The following STXBP5L variants were observed in gnomAD, a reference collection of about 807,000 sequenced individuals.
STXBP5L encodes syntaxin-binding protein 5-like.
A neutral mutation model predicts 144.5 loss-of-function variants in STXBP5L; 65 were observed. That is an observed-to-expected ratio of 0.45 (90% CI 0.37 to 0.55). The LOEUF is 0.55. Ranked by LOEUF, STXBP5L falls within the 20% of genes least tolerant of loss-of-function variation. STXBP5L has a pLI of 0.00. For synonymous variants in STXBP5L, 505 were observed against 469.6 expected (o/e 1.08, Z -0.97); for missense variants, 1,298 against 1,405.5 (o/e 0.92, Z 1.22).
chr3:121,022,996 A>T (rs112368361), intron 3 of STXBP5L, among the ~76,000 whole-genome samples: 18,293 of 152,042 alleles, frequency 0.12, 1,154 homozygotes, highest in Non-Finnish European at 0.14. Context: ...TATACCTAGA[A>T]AACTCTAAAG....
At chr3:121,078,866 C>T (rs967484669) in intron 5 of STXBP5L, among the ~76,000 whole-genome samples, 2 of 152,262 alleles carry the variant, frequency 1.3e-5, no homozygotes, top group African/African-American at 2.4e-5. Context: ...CCCGCCAAGC[C>T]CATGCCCACC....
intron 18 of STXBP5L, among the ~76,000 whole-genome samples, chr3:121,274,126 A>C (rs557407331): frequency 6.6e-6 from 1 of 152,258 alleles, no homozygotes; most frequent in Non-Finnish European, 1.5e-5. Flanking sequence ...CAGTGTTATC[A>C]TTCCCTGCTT....
chr3:120,990,426 A>G (rs1159322085), intron 3 of STXBP5L, among the ~76,000 whole-genome samples: 1 of 152,162 alleles, frequency 6.6e-6, no homozygotes, highest in Non-Finnish European at 1.5e-5. Context: ...CAAGCTACCA[A>G]TGACTTTCTT....
chr3:121,384,235 G>A (rs544915917), intron 22 of STXBP5L, among the ~76,000 whole-genome samples: 26 of 152,136 alleles, frequency 1.7e-4, no homozygotes, highest in African/African-American at 5.5e-4. Flanking sequence ...TATAATAATG[G>A]AAATTACACT....
intron 19 of STXBP5L, among the ~76,000 whole-genome samples, chr3:121,289,312 A>C (rs759486714): frequency 4.5e-4 from 68 of 152,296 alleles, no homozygotes; most frequent in Middle Eastern, 3.4e-3. Flanking sequence ...AGGAAGGGAC[A>C]TTAAATATGA....
intron 20 of STXBP5L, among the ~76,000 whole-genome samples, chr3:121,347,913 T>C (rs2045073700): frequency 6.6e-6 from 1 of 152,192 alleles, no homozygotes; most frequent in Admixed American, 6.6e-5. Context: ...ACAGGGACAA[T>C]TTGACTTCCT....
At chr3:121,314,673 A>G (rs142617097) in intron 19 of STXBP5L, among the ~76,000 whole-genome samples, 2,769 of 152,156 alleles carry the variant, frequency 0.018, 45 homozygotes, top group Middle Eastern at 0.041. Context: ...ACAGCAAAAG[A>G]AACTACCATC....
chr3:121,048,906 A>G (rs1434523491), intron 5 of STXBP5L, among the ~76,000 whole-genome samples: 1 of 152,082 alleles, frequency 6.6e-6, no homozygotes, highest in Non-Finnish European at 1.5e-5. Flanking sequence ...CTGCTTTTCC[A>G]TAAAGTGGCT....
chr3:121,092,884 T>G (rs2042891194), intron 5 of STXBP5L, among the ~76,000 whole-genome samples: 1 of 152,346 alleles, frequency 6.6e-6, no homozygotes, highest in Admixed American at 6.5e-5. Flanking sequence ...TATTTGCCCA[T>G]TCAGTATGAT....
At chr3:121,029,183 A>G (rs1421118314) in intron 3 of STXBP5L, among the ~76,000 whole-genome samples, 4 of 152,206 alleles carry the variant, frequency 2.6e-5, no homozygotes, top group African/African-American at 7.2e-5. Context: ...ATACTACTTT[A>G]AATTTCATAT....
At chr3:121,116,519 G>A (rs1291365915) in intron 6 of STXBP5L, among the ~76,000 whole-genome samples, 1 of 151,838 alleles carries the variant, frequency 6.6e-6, no homozygotes, top group Non-Finnish European at 1.5e-5. Flanking sequence ...CTTCATACTT[G>A]GCTTATTTCT....
At chr3:121,041,256 G>C (rs1318167982) in intron 3 of STXBP5L, among the ~76,000 whole-genome samples, 1 of 151,750 alleles carries the variant, frequency 6.6e-6, no homozygotes, top group Non-Finnish European at 1.5e-5. Context: ...TATGATCTCT[G>C]AGTTTTAAAT....
intron 3 of STXBP5L, among the ~76,000 whole-genome samples, chr3:120,978,818 C>G (rs964752741): frequency 1.3e-5 from 2 of 152,200 alleles, no homozygotes; most frequent in Non-Finnish European, 2.9e-5. Context: ...ACTCCAGACC[C>G]TGTTTGCCTC....
At chr3:121,123,249 A>G (rs139614608) in intron 7 of STXBP5L, among the ~76,000 whole-genome samples, 12 of 151,802 alleles carry the variant, frequency 7.9e-5, no homozygotes, top group Admixed American at 1.3e-4. Context: ...ATATATGTAT[A>G]TATACCAGGA....
chr3:121,376,186 CA>C (rs1166522200), intron 20 of STXBP5L, among the ~76,000 whole-genome samples: 5 of 152,052 alleles, frequency 3.3e-5, no homozygotes, highest in Admixed American at 3.3e-4. Context: ...AATAATATTC[CA>C]AATTTACAGA....
At chr3:120,974,223 T>C (rs1311208656) in intron 3 of STXBP5L, among the ~76,000 whole-genome samples, 1 of 152,186 alleles carries the variant, frequency 6.6e-6, no homozygotes, top group Admixed American at 6.5e-5. Flanking sequence ...GACTTTTTAA[T>C]GATTGCCATT....
chr3:121,135,575 C>A (rs1301689987), intron 7 of STXBP5L, among the ~76,000 whole-genome samples: 2 of 152,156 alleles, frequency 1.3e-5, no homozygotes, highest in Admixed American at 6.6e-5. Flanking sequence ...AACCTAGATC[C>A]CTTGCATGTG....
intron 3 of STXBP5L, among the ~76,000 whole-genome samples, chr3:120,967,217 G>T (rs1193914667): frequency 2.0e-5 from 3 of 152,096 alleles, no homozygotes; most frequent in South Asian, 2.1e-4. Flanking sequence ...GCTTCCCTTG[G>T]CTAGGAAAGG....
chr3:120,957,588 A>AT (rs1343119403), intron 3 of STXBP5L, among the ~76,000 whole-genome samples: 1 of 151,890 alleles, frequency 6.6e-6, no homozygotes, highest in East Asian at 1.9e-4. Flanking sequence ...CTGCTTTTCA[A>AT]TTTTTTTCTT....
Sources: gnomAD v4.1 joint callset for allele counts (sites outside exome capture counted in the v4.1 genomes callset) on GRCh38, gnomAD v4.1.1 for gene constraint, MANE v1.5 for transcripts, NCBI Gene and HGNC (gene_info 2026-07-23, HGNC 2026-07-21) for gene names.